Variants in CDH18 observed in about 807,000 individuals in gnomAD.
The protein encoded by CDH18 is cadherin 18, also known as cadherin-18.
A neutral mutation model predicts 67.9 loss-of-function variants in CDH18; 31 were observed. The observed-to-expected ratio is 0.46, with a 90% CI of 0.34 to 0.62. The LOEUF (loss-of-function observed/expected upper bound fraction) is 0.62. Among genes scored for constraint, CDH18 ranks in the 20% least tolerant of loss-of-function variants. CDH18 has a pLI of 0.01. For synonymous variants in CDH18, 362 were observed against 347.2 expected, an observed-to-expected ratio of 1.04 and a Z score of -0.48; for missense variants, 890 against 975.5, an observed-to-expected ratio of 0.91 and a Z score of 1.17.
At chr5:20,431,979 A>G (rs1250004582) in intron 1 of CDH18, among the ~76,000 whole-genome samples, 2 of 152,136 alleles carry the variant, frequency 1.3e-5, no homozygotes, top group Non-Finnish European at 2.9e-5. Flanking sequence ...AATAATCAGT[A>G]TTTGCCTCAC....
chr5:19,922,061 G>A (rs1792543892), intron 2 of CDH18, among the ~76,000 whole-genome samples: 1 of 152,022 alleles, frequency 6.6e-6, no homozygotes, highest in African/African-American at 2.4e-5. Flanking sequence ...AAGGTGGAGG[G>A]GTTGGAAGAT....
intron 1 of CDH18, among the ~76,000 whole-genome samples, chr5:20,290,196 C>G (rs1358492321): frequency 1.3e-5 from 2 of 152,112 alleles, no homozygotes; most frequent in East Asian, 1.9e-4. Flanking sequence ...ATCTGACCTA[C>G]TGAATCAGAA....
At chr5:20,063,244 C>A (rs1269188324) in intron 2 of CDH18, among the ~76,000 whole-genome samples, 1 of 151,342 alleles carries the variant, frequency 6.6e-6, no homozygotes, top group African/African-American at 2.4e-5. Flanking sequence ...ACAATTACCA[C>A]AGAAAAGTAT....
chr5:19,824,515 C>A (rs927310122), intron 3 of CDH18, among the ~76,000 whole-genome samples: 4 of 152,200 alleles, frequency 2.6e-5, no homozygotes, highest in Admixed American at 6.5e-5. Context: ...TGCTTCTAGA[C>A]AGGCAGAGAG....
chr5:20,306,600 A>C (rs1736481327), intron 1 of CDH18, among the ~76,000 whole-genome samples: 1 of 152,204 alleles, frequency 6.6e-6, no homozygotes, highest in Non-Finnish European at 1.5e-5. Context: ...AATTTAAATA[A>C]GCATTTTATT....
intron 2 of CDH18, among the ~76,000 whole-genome samples, chr5:20,059,438 C>G (rs1457051698): frequency 6.6e-6 from 1 of 152,092 alleles, no homozygotes; most frequent in Non-Finnish European, 1.5e-5. Context: ...AATTTTAGAT[C>G]TTTCCTGCTT....
intron 1 of CDH18, among the ~76,000 whole-genome samples, chr5:20,453,563 G>GTA (rs1192843375): frequency 4.2e-5 from 4 of 94,650 alleles, no homozygotes; most frequent in South Asian, 4.2e-4. Context: ...ATGTGTGTGT[G>GTA]TATATATATA....
intron 4 of CDH18, among the ~76,000 whole-genome samples, chr5:19,729,614 T>C (rs1767325155): frequency 6.6e-6 from 1 of 152,136 alleles, no homozygotes; most frequent in African/African-American, 2.4e-5. Flanking sequence ...GCCGAGGCGG[T>C]AAGTCCATTT....
intron 2 of CDH18, among the ~76,000 whole-genome samples, chr5:20,052,456 T>TAAA (rs1018470683): frequency 6.6e-6 from 1 of 152,040 alleles, no homozygotes; most frequent in African/African-American, 2.4e-5. Flanking sequence ...TTTAGTGTTC[T>TAAA]AAATATAATG....
chr5:19,778,490 G>A (rs1159315145), intron 3 of CDH18, among the ~76,000 whole-genome samples: 1 of 152,024 alleles, frequency 6.6e-6, no homozygotes, highest in South Asian at 2.1e-4. Flanking sequence ...AATGACCTTA[G>A]CCAGATGATG....
chr5:19,817,824 A>T (rs1247793974), intron 3 of CDH18, among the ~76,000 whole-genome samples: 1 of 152,110 alleles, frequency 6.6e-6, no homozygotes, highest in African/African-American at 2.4e-5. Flanking sequence ...TCAATACTGA[A>T]TATTTTTGAA....
intron 1 of CDH18, among the ~76,000 whole-genome samples, chr5:20,512,928 C>T (rs1021323415): frequency 6.6e-6 from 1 of 151,622 alleles, no homozygotes; most frequent in Non-Finnish European, 1.5e-5. Flanking sequence ...GCTTGTCCTC[C>T]AAGGAGACTT....
At chr5:19,708,983 G>A (rs762538356) in intron 5 of CDH18, among the ~76,000 whole-genome samples, 20 of 133,790 alleles carry the variant, frequency 1.5e-4, no homozygotes, top group East Asian at 4.5e-4. Context: ...ACTCCAGCCC[G>A]GGCAACAGAA....
At chr5:19,487,706 T>C (rs1271211353) in intron 11 of CDH18, among the ~76,000 whole-genome samples, 1 of 152,140 alleles carries the variant, frequency 6.6e-6, no homozygotes, top group Non-Finnish European at 1.5e-5. Context: ...TGTTATGTGA[T>C]CCCATTTCTT....
At chr5:19,676,798 G>GA (rs1182453113) in intron 5 of CDH18, among the ~76,000 whole-genome samples, 13 of 152,000 alleles carry the variant, frequency 8.6e-5, no homozygotes, top group Admixed American at 8.5e-4. Context: ...CACCCTAAGG[G>GA]AAAAATCACA....
intron 1 of CDH18, among the ~76,000 whole-genome samples, chr5:20,318,903 T>C (rs1051391121): frequency 2.6e-5 from 4 of 152,164 alleles, no homozygotes; most frequent in African/African-American, 9.7e-5. Flanking sequence ...ACAAACTAAT[T>C]CAGCACCTTT....
At chr5:20,453,573 ATGTGTGTG>A (rs5866426) in intron 1 of CDH18, among the ~76,000 whole-genome samples, 3 of 150,632 alleles carry the variant, frequency 2.0e-5, no homozygotes, top group African/African-American at 7.3e-5. Context: ...GTATATATAT[ATGTGTGTG>A]TGTGTGTGTG....
chr5:20,242,036 A>C lies in CDH18; in HGVS notation c.-518+13408T>G, dbSNP rs2126551523. 2.0e-5 allele frequency among the ~76,000 whole-genome samples: 3 copies of C among 151,546 alleles called. No individual in the cohort carries two copies. In the South Asian group the frequency reaches 6.2e-4, roughly 32 times the overall value. On this transcript the variant is annotated intron_variant, in intron 2 of 14. Coordinates refer to the CDH18 transcript ENST00000507958. ...GTGTCAAGTACACATAGGATAAATA[A>C]AGGCAAAATTAAAAACAATAATTTT... is the stretch of plus-strand genomic sequence containing the variant.
chr5:19,842,672 G>C (rs1211090330), intron 2 of CDH18, among the ~76,000 whole-genome samples: 1 of 152,148 alleles, frequency 6.6e-6, no homozygotes, highest in East Asian at 1.9e-4. Context: ...CAAAAATGTG[G>C]AAGTGACTTT....
Sources: gnomAD v4.1 joint callset for allele counts (sites outside exome capture counted in the v4.1 genomes callset) on GRCh38, gnomAD v4.1.1 for gene constraint, MANE v1.5 for transcripts, NCBI Gene and HGNC (gene_info 2026-07-23, HGNC 2026-07-21) for gene names.